Variants in RBFOX1 observed in about 807,000 individuals in gnomAD.
RBFOX1 encodes the protein RNA binding protein fox-1 homolog 1.
A neutral mutation model predicts 57.7 loss-of-function variants in RBFOX1; 8 were observed. The observed-to-expected ratio is 0.14, with a 90% CI of 0.08 to 0.25. RBFOX1 has a LOEUF of 0.25. RBFOX1 is among the 10% of genes least tolerant of loss of function. The pLI is 1.00. For missense variants in RBFOX1, 611 were observed against 548.5 expected, an observed-to-expected ratio of 1.11 and a Z score of -1.14; for synonymous variants, 326 against 222.4, an observed-to-expected ratio of 1.47 and a Z score of -4.15.
intron 1 of RBFOX1, among the ~76,000 whole-genome samples, chr16:6,060,132 T>G (rs1014344451): frequency 2.5e-4 from 3 of 12,058 alleles, no homozygotes; most frequent in Admixed American, 1.8e-3. Context: ...GTTTTTTTTT[T>G]TTTTTTTTTT....
intron 1 of RBFOX1, among the ~76,000 whole-genome samples, chr16:5,373,252 A>T (rs924523736): frequency 6.6e-6 from 1 of 152,220 alleles, no homozygotes; most frequent in African/African-American, 2.4e-5. Context: ...TATGGACCCC[A>T]ATTTTAGAGA....
chr16:5,900,058 A>T (rs2058269298), intron 4 of RBFOX1, among the ~76,000 whole-genome samples: 1 of 152,226 alleles, frequency 6.6e-6, no homozygotes, highest in Non-Finnish European at 1.5e-5. Context: ...AGCCTTGGTG[A>T]CAGAGCAAGA....
chr16:5,358,024 C>G (rs1404712431), intron 1 of RBFOX1, among the ~76,000 whole-genome samples: 2 of 152,174 alleles, frequency 1.3e-5, no homozygotes, highest in Non-Finnish European at 2.9e-5. Flanking sequence ...AATGACACAA[C>G]TTTATTTTCA....
At chr16:5,488,996 T>C (rs2042736712) in intron 2 of RBFOX1, among the ~76,000 whole-genome samples, 1 of 152,210 alleles carries the variant, frequency 6.6e-6, no homozygotes, top group African/African-American at 2.4e-5. Flanking sequence ...TTCTGGTAAA[T>C]TCCCTTTCTG....
At chr16:5,485,600 G>T (rs1400336424) in intron 2 of RBFOX1, among the ~76,000 whole-genome samples, 2 of 152,158 alleles carry the variant, frequency 1.3e-5, no homozygotes, top group African/African-American at 4.8e-5. Context: ...ACCTCAAAGA[G>T]AATTCACCAT....
At chr16:7,009,472 A>T (rs1411196809) in intron 3 of RBFOX1, among the ~76,000 whole-genome samples, 1 of 151,960 alleles carries the variant, frequency 6.6e-6, no homozygotes, top group Admixed American at 6.6e-5. Context: ...GAATATATTG[A>T]CTGCAGCCCA....
In RBFOX1 at chr16:7,545,483, C is replaced by T. The variant is rs372099830; in HGVS notation, c.270+27094C>T. 1.1e-4 allele frequency among the ~76,000 whole-genome samples: 16 copies of T among 152,148 alleles called. 1 individual carries two copies. Among genetic ancestry groups the T allele is most frequent in the South Asian group, 6.2e-4 (3 of 4,830 alleles). ...TCAAAACCCCAGCCCTGGCACCCCC[C>T]GACCTTCCCTGCAGCCTTCACAAGC... On this transcript the variant is annotated intron_variant, in intron 5 of 15. Coordinates refer to ENST00000550418, the MANE Select transcript of RBFOX1 (RefSeq NM_018723.4).
At chr16:5,715,644 G>A (rs2051668740) in intron 3 of RBFOX1, among the ~76,000 whole-genome samples, 1 of 152,150 alleles carries the variant, frequency 6.6e-6, no homozygotes, top group South Asian at 2.1e-4. Flanking sequence ...GTCTCTTCTA[G>A]GTCAAGGCAT....
chr16:6,662,435 G>A (rs944695921), intron 3 of RBFOX1, among the ~76,000 whole-genome samples: 2 of 152,036 alleles, frequency 1.3e-5, no homozygotes, highest in South Asian at 2.1e-4. Flanking sequence ...TACAGTTAGG[G>A]AGAAAAAGAG....
intron 3 of RBFOX1, among the ~76,000 whole-genome samples, chr16:5,777,835 C>G (rs943448383): frequency 2.0e-5 from 3 of 152,056 alleles, no homozygotes; most frequent in African/African-American, 7.2e-5. Flanking sequence ...AAAATATGCC[C>G]TTGGTGAGAG....
intron 4 of RBFOX1, among the ~76,000 whole-genome samples, chr16:7,055,763 A>C (rs1039724167): frequency 3.3e-5 from 5 of 152,220 alleles, no homozygotes; most frequent in Admixed American, 2.6e-4. Flanking sequence ...AACTGGAGGA[A>C]GCAGAAAATG....
At chr16:7,604,149 G>C (rs1476604468) in intron 9 of RBFOX1, among the ~76,000 whole-genome samples, 1 of 152,158 alleles carries the variant, frequency 6.6e-6, no homozygotes, top group African/African-American at 2.4e-5. Flanking sequence ...CAACCAAGTA[G>C]ATAGATATGC....
chr16:7,161,781 G>C (rs915160600), intron 4 of RBFOX1, among the ~76,000 whole-genome samples: 1 of 152,148 alleles, frequency 6.6e-6, no homozygotes, highest in Non-Finnish European at 1.5e-5. Context: ...CATTTATAGA[G>C]GTGATTTCAG....
chr16:7,356,377 G>C (rs2097214444), intron 4 of RBFOX1, among the ~76,000 whole-genome samples: 1 of 152,250 alleles, frequency 6.6e-6, no homozygotes, highest in South Asian at 2.1e-4. Flanking sequence ...GTCAGGTAAG[G>C]CCTCTCTGAG....
chr16:5,320,302 G>T (rs994768694), intron 1 of RBFOX1, among the ~76,000 whole-genome samples: 3 of 152,180 alleles, frequency 2.0e-5, no homozygotes, highest in Non-Finnish European at 4.4e-5. Flanking sequence ...AATGGGTGAG[G>T]TCATAACTCT....
chr16:6,155,064 G>C (rs1312334054), intron 1 of RBFOX1, among the ~76,000 whole-genome samples: 1 of 152,174 alleles, frequency 6.6e-6, no homozygotes, highest in African/African-American at 2.4e-5. Flanking sequence ...TAGGAATGCT[G>C]CATAGTTTTA....
At chr16:5,433,958 G>A (rs941753656) in intron 1 of RBFOX1, among the ~76,000 whole-genome samples, 6 of 152,028 alleles carry the variant, frequency 3.9e-5, no homozygotes, top group Non-Finnish European at 7.4e-5. Context: ...CTGCATGTTC[G>A]AATCACCTGG....
intron 4 of RBFOX1, among the ~76,000 whole-genome samples, chr16:7,271,985 C>T (rs921624384): frequency 1.2e-4 from 19 of 152,152 alleles, no homozygotes; most frequent in Admixed American, 2.6e-4. Flanking sequence ...TCTTGTTACT[C>T]GGACCTCTTT....
At chr16:6,547,364 T>C (rs1363899633) in intron 2 of RBFOX1, among the ~76,000 whole-genome samples, 1 of 152,186 alleles carries the variant, frequency 6.6e-6, no homozygotes, top group Non-Finnish European at 1.5e-5. Flanking sequence ...TTTGCTCTCC[T>C]TCCTGAGGAT....
Sources: gnomAD v4.1 joint callset for allele counts (sites outside exome capture counted in the v4.1 genomes callset) on GRCh38, gnomAD v4.1.1 for gene constraint, MANE v1.5 for transcripts, NCBI Gene and HGNC (gene_info 2026-07-23, HGNC 2026-07-21) for gene names.